The following MTUS2 variants were observed in gnomAD, a reference collection of about 807,000 sequenced individuals.
MTUS2 encodes microtubule associated scaffold protein 2.
A neutral mutation model predicts 114.1 loss-of-function variants in MTUS2; 40 were observed. That is an observed-to-expected ratio of 0.35 (90% CI 0.27 to 0.46). The LOEUF is 0.46. MTUS2 is among the 20% of genes least tolerant of loss of function. The probability of loss-of-function intolerance (pLI) is 1.00; values close to 1 mark genes in which losing one functional copy is unlikely to be tolerated. For synonymous variants in MTUS2, 688 were observed against 672.0 expected (o/e 1.02, Z -0.37); for missense variants, 1,679 against 1,705.4 (o/e 0.98, Z 0.27).
chr13:28,964,394 A>G (rs1283245154), intron 2 of MTUS2, among the ~76,000 whole-genome samples: 1 of 152,174 alleles, frequency 6.6e-6, no homozygotes. Context: ...GAGAAATTTG[A>G]AAATGTAAAT....
chr13:28,936,875 T>C (rs1376575393), intron 2 of MTUS2, among the ~76,000 whole-genome samples: 3 of 152,150 alleles, frequency 2.0e-5, no homozygotes, highest in Non-Finnish European at 2.9e-5. Context: ...TCTGTTAATA[T>C]TCAAAATGGT....
chr13:29,499,099 C>T (rs1234700743), intron 14 of MTUS2, among the ~76,000 whole-genome samples: 1 of 152,230 alleles, frequency 6.6e-6, no homozygotes, highest in Non-Finnish European at 1.5e-5. Context: ...CTCCCCAGTT[C>T]TCTGCCTCCT....
At chr13:29,121,218 C>G (rs1475565564) in intron 5 of MTUS2, among the ~76,000 whole-genome samples, 1 of 152,110 alleles carries the variant, frequency 6.6e-6, no homozygotes, top group Non-Finnish European at 1.5e-5. Flanking sequence ...GCATGGATCC[C>G]TGAAAATGTC....
chr13:28,951,943 G>A (rs1882830908), intron 2 of MTUS2, among the ~76,000 whole-genome samples: 1 of 152,150 alleles, frequency 6.6e-6, no homozygotes, highest in African/African-American at 2.4e-5. Flanking sequence ...GGGCAGGGTG[G>A]CATTTGTTGA....
In MTUS2 at chr13:29,497,278, G is replaced by A. The variant is rs749901649; in HGVS notation, c.3620G>A (p.Arg1207Gln). 38 of 1,612,120 alleles carry A rather than the reference G, an allele frequency of 2.4e-5. No homozygotes were observed. In the South Asian group the frequency reaches 3.4e-4, roughly 14 times the overall value. The change falls in exon 13 of 16, where the codon CGG (arginine) becomes CAG (glutamine). Residue 1207 changes from arginine (R) to glutamine (Q), a missense_variant. This residue lies in a region of MTUS2 where 822 missense variants were observed against 899.7 expected (regional missense o/e 0.91). Transcript: ENST00000612955. ...CTGACCTTCCAGAGCCAGTCTCTGC[G>A]GGACAGAGCCCGCCGCTTCGAAGAG... ...DTLTFQSQSL[R>Q]DRARRFEEAL...
At chr13:29,280,254 G>A (rs1022710306) in intron 5 of MTUS2, among the ~76,000 whole-genome samples, 1 of 152,188 alleles carries the variant, frequency 6.6e-6, no homozygotes, top group Non-Finnish European at 1.5e-5. Flanking sequence ...ATACAGTGCA[G>A]ATCCTTTCAA....
intron 8 of MTUS2, among the ~76,000 whole-genome samples, chr13:29,437,656 G>C (rs1202443906): frequency 6.6e-6 from 1 of 152,172 alleles, no homozygotes; most frequent in Non-Finnish European, 1.5e-5. Flanking sequence ...TACAAAAACA[G>C]AGCATAAGGC....
At chr13:29,205,624 A>G (rs1281328518) in intron 5 of MTUS2, among the ~76,000 whole-genome samples, 1 of 152,134 alleles carries the variant, frequency 6.6e-6, no homozygotes, top group Non-Finnish European at 1.5e-5. Context: ...GCATCCTCAT[A>G]GCTTAACTCC....
At chr13:29,189,276 G>A (rs1894349952) in intron 5 of MTUS2, among the ~76,000 whole-genome samples, 1 of 152,216 alleles carries the variant, frequency 6.6e-6, no homozygotes, top group Non-Finnish European at 1.5e-5. Context: ...CTTTTAGAAA[G>A]TATCTTCAGG....
intron 7 of MTUS2, among the ~76,000 whole-genome samples, chr13:29,357,679 ACAAC>A (rs1462748636): frequency 6.6e-6 from 1 of 152,230 alleles, no homozygotes; most frequent in Non-Finnish European, 1.5e-5. Context: ...TGATTTGCCT[ACAAC>A]AAGCAAGTGA....
intron 5 of MTUS2, among the ~76,000 whole-genome samples, chr13:29,195,539 GAAAAAAAAA>G (rs59726006): frequency 6.4e-5 from 5 of 78,522 alleles, no homozygotes; most frequent in Non-Finnish European, 1.3e-4. Context: ...ACTTAATTCT[GAAAAAAAAA>G]AAAAAAAAAA....
At chr13:29,141,945 C>T (rs1159810965) in intron 5 of MTUS2, among the ~76,000 whole-genome samples, 3 of 149,648 alleles carry the variant, frequency 2.0e-5, no homozygotes, top group African/African-American at 7.4e-5. Flanking sequence ...CTTCAAGCTC[C>T]ACCTCCCAGG....
intron 6 of MTUS2, among the ~76,000 whole-genome samples, chr13:29,306,285 C>G (rs373210170): frequency 6.6e-6 from 1 of 152,162 alleles, no homozygotes; most frequent in African/African-American, 2.4e-5. Context: ...AAGTTCTAGC[C>G]AGGGCAATCA....
chr13:29,118,008 G>T (rs1891160740), intron 5 of MTUS2, among the ~76,000 whole-genome samples: 1 of 152,198 alleles, frequency 6.6e-6, no homozygotes, highest in Non-Finnish European at 1.5e-5. Flanking sequence ...GGTGCTATTA[G>T]TTTTGTGTGC....
chr13:29,451,286 GA>G (rs1008721509), intron 9 of MTUS2, among the ~76,000 whole-genome samples: 18 of 149,234 alleles, frequency 1.2e-4, no homozygotes, highest in African/African-American at 3.0e-4. Context: ...AAAAATATCT[GA>G]AAAAAAAACC....
intron 5 of MTUS2, among the ~76,000 whole-genome samples, chr13:29,252,055 C>A (rs895737189): frequency 4.6e-5 from 7 of 152,176 alleles, no homozygotes; most frequent in African/African-American, 1.7e-4. Context: ...CACTTGGAAT[C>A]TTTCTGAACT....
intron 8 of MTUS2, among the ~76,000 whole-genome samples, chr13:29,389,366 CGT>C (rs58264929): frequency 0.42 from 21,104 of 50,068 alleles, 6,950 homozygotes; most frequent in Admixed American, 0.56. Flanking sequence ...TATGTATGCA[CGT>C]GTGTGTATAT....
At chr13:29,433,900 T>A (rs1877207605) in intron 8 of MTUS2, among the ~76,000 whole-genome samples, 1 of 152,224 alleles carries the variant, frequency 6.6e-6, no homozygotes, top group Admixed American at 6.5e-5. Context: ...ATTCACAATT[T>A]TAAAAGATCT....
At chr13:29,394,703 CA>C (rs1234213911) in intron 8 of MTUS2, among the ~76,000 whole-genome samples, 1 of 152,196 alleles carries the variant, frequency 6.6e-6, no homozygotes, top group Non-Finnish European at 1.5e-5. Context: ...TGTTAGGAAC[CA>C]GGCTAACAGC....
Sources: allele counts gnomAD v4.1 joint callset (sites outside exome capture counted in the v4.1 genomes callset), GRCh38; gene constraint gnomAD v4.1.1; regional missense constraint gnomAD v4.1.1; transcripts MANE v1.5; gene names NCBI Gene and HGNC (gene_info 2026-07-23, HGNC 2026-07-21).